Variants in MROH1 observed in about 807,000 individuals in gnomAD.
MROH1 encodes maestro heat like repeat family member 1, also known as maestro heat-like repeat-containing protein family member 1.
A neutral mutation model predicts 116.5 loss-of-function variants in MROH1; 117 were observed. The ratio of observed to expected loss-of-function variants is 1.00; its 90% CI spans 0.86 to 1.17. The LOEUF (loss-of-function observed/expected upper bound fraction) is 1.17, where lower values mean the gene tolerates loss of function less well. Ranked by LOEUF, MROH1 falls within the 50% of genes most tolerant of loss-of-function variation. The pLI, the probability that MROH1 is intolerant of heterozygous loss-of-function variation, is 0.00. For missense variants in MROH1, 1,873 were observed against 1,338.5 expected (o/e 1.40, Z -6.23); for synonymous variants, 921 against 583.9 (o/e 1.58, Z -8.32).
At chr8:144,169,436 AATTT>A (rs992682025) in intron 4 of MROH1, among the ~76,000 whole-genome samples, 3 of 142,344 alleles carry the variant, frequency 2.1e-5, no homozygotes, top group African/African-American at 5.1e-5. Flanking sequence ...ATTTTTAATA[AATTT>A]ATTTATTCAT....
At position 144,239,054 on chromosome 8, in the gene MROH1, T is replaced by C; in HGVS notation, c.1466T>C (p.Leu489Pro). The change falls in exon 16 of 44, where the codon CTC becomes CCC. Residue 489 changes from leucine (L) to proline (P), a missense_variant. Physicochemically the swap from Leu to Pro is moderately conservative, Grantham distance 98. Transcript: ENST00000326134. ...CCCTAGGTCCTCTGGCCATACCTGC[T>C]CCAGTTCCTCACCCCTGTGCGCTTC... ...RMSHVLWPYL[L>P]QFLTPVRFTG... is the part of the protein sequence containing the mutation. 1.3e-6 allele frequency: 1 copy of C among 778,328 alleles called. No individual in the cohort carries two copies. 48.2% of individuals were successfully genotyped at this position (778,328 alleles called of 1,614,324 possible).
chr8:144,201,590 C>T (rs868653867), intron 12 of MROH1, among the ~76,000 whole-genome samples: 5 of 152,210 alleles, frequency 3.3e-5, no homozygotes, highest in African/African-American at 1.2e-4. Flanking sequence ...AAAATATTTT[C>T]TGTCTGCCCT....
Position 144,245,275 on chromosome 8 carries a change from C to A in MROH1, c.2871+15C>A, listed in dbSNP as rs1405612680. The A allele has an allele frequency of 1.3e-6, 1 of 775,106 alleles. No homozygotes were observed. The highest frequency in any genetic ancestry group is 2.4e-5 in the East Asian group (1 of 41,248). 48.0% of individuals were successfully genotyped at this position (775,106 alleles called of 1,614,324 possible). On this transcript the variant is annotated intron_variant, in intron 29 of 43. Coordinates refer to ENST00000326134, the MANE Select transcript of MROH1 (RefSeq NM_032450.3). ...TGCGTGTCAGCGTGAGTACCTGGGT[C>A]CCTGGCCCGGGTGCTGCTGCCTGTG...
At chr8:144,229,123 C>A (rs992047616) in intron 14 of MROH1, among the ~76,000 whole-genome samples, 69 of 152,192 alleles carry the variant, frequency 4.5e-4, no homozygotes, top group African/African-American at 1.7e-3. Flanking sequence ...AATTCTAATT[C>A]TCTTACTGTT....
chr8:144,170,784 G>GT (rs1822238019), intron 4 of MROH1, among the ~76,000 whole-genome samples: 1 of 152,230 alleles, frequency 6.6e-6, no homozygotes, highest in Non-Finnish European at 1.5e-5. Flanking sequence ...CCACCAAGGG[G>GT]TGCTGGGCCT....
chr8:144,150,043 C>G (rs1263958272), intron 1 of MROH1, among the ~76,000 whole-genome samples: 1 of 152,166 alleles, frequency 6.6e-6, no homozygotes, highest in Non-Finnish European at 1.5e-5. Flanking sequence ...GCCCTGCAGG[C>G]TGGCTCACCA....
rs1833564002 is a variant in MROH1, at chr8:144,209,288, G to A, written c.1141+8747G>A. 2.6e-5 allele frequency among the ~76,000 whole-genome samples: 4 copies of A among 151,842 alleles called. No individual in the cohort carries two copies. In the South Asian group the frequency reaches 6.3e-4, roughly 24 times the overall value. On this transcript the variant is annotated intron_variant, in intron 12 of 43. Coordinates refer to ENST00000326134, the MANE Select transcript of MROH1 (RefSeq NM_032450.3). ...GATTGTTCATCCCCATTGAAAAATCGTTAGTATAGGCCGGGCACGGTGGCT... is the reference window on the plus strand; with the variant it reads ...GATTGTTCATCCCCATTGAAAAATCATTAGTATAGGCCGGGCACGGTGGCT...
chr8:144,251,556 C>T (rs1206385620), intron 33 of MROH1: 1 of 152,256 alleles, frequency 6.6e-6, no homozygotes, highest in African/African-American at 2.4e-5. Flanking sequence ...TCACTGAAGT[C>T]CAGCATGGGC....
intron 31 of MROH1, 99 bp downstream of exon 31, chr8:144,247,778 G>A: frequency 1.4e-6 from 1 of 699,428 alleles, no homozygotes; most frequent in Admixed American, 2.0e-5. Flanking sequence ...GCCTCTGGAA[G>A]TGCCACCCAT....
At position 144,260,713 on chromosome 8, in the gene MROH1, T is replaced by C; in HGVS notation, c.4417T>C (p.Phe1473Leu). 1.3e-6 allele frequency: 1 copy of C among 779,634 alleles called. No individual in the cohort carries two copies. Among genetic ancestry groups the C allele is most frequent in the Non-Finnish European group, 2.4e-6 (1 of 417,786 alleles). The allele number at this position is 779,634 out of a possible 1,614,324, so 48.3% of individuals were successfully genotyped here. A position where few individuals can be genotyped will look rare whatever the true frequency, so the allele number is the denominator to read the frequency against. The change falls in exon 40 of 44, where the codon TTT becomes CTT. Residue 1473 changes from phenylalanine (F) to leucine (L), a missense_variant. Coordinates refer to ENST00000326134, the MANE Select transcript of MROH1 (RefSeq NM_032450.3). ...GTTCCGGACGGCATCTATCCGCCTC[T>C]TTGGGCACCTTAACAAGGTCTGCCA... ...MEFRTASIRL[F>L]GHLNKVCHGD... is the part of the protein sequence containing the mutation.
At chr8:144,153,050 C>T (rs1817225748) in intron 1 of MROH1, among the ~76,000 whole-genome samples, 1 of 152,192 alleles carries the variant, frequency 6.6e-6, no homozygotes, top group Non-Finnish European at 1.5e-5. Context: ...CCGGTAACCA[C>T]CGTTCTACTC....
intron 1 of MROH1, chr8:144,148,545 G>T (rs921990313): frequency 2.6e-5 from 4 of 152,604 alleles, no homozygotes; most frequent in East Asian, 3.9e-4. Flanking sequence ...CCAAGCATAC[G>T]CCCGGAGCCT....
chr8:144,250,348 G>A lies in MROH1; in HGVS notation c.3410G>A (p.Ser1137Asn), dbSNP rs1223887244. ...CAAVVSSLLG[S>N]PLPLDSHTCM... ...GCCGTGGTGTCCAGCCTCCTGGGCA[G>A]CCCCTTGCCCTTGGACAGGTACCCA... The change falls in exon 33 of 44, where the codon AGC becomes AAC. Residue 1137 changes from serine (S) to asparagine (N), a missense_variant. Transcript: ENST00000326134. 13 of 765,740 alleles carry A rather than the reference G, an allele frequency of 1.7e-5. No individual in the cohort carries two copies. In the African/African-American group the frequency reaches 1.9e-4, roughly 11 times the overall value. 47.4% of individuals were successfully genotyped at this position (765,740 alleles called of 1,614,324 possible). A position where few individuals can be genotyped will look rare whatever the true frequency, so the allele number is the denominator to read the frequency against.
At position 144,192,288 on chromosome 8, in the gene MROH1, TC is replaced by T; in HGVS notation, c.856-20del. The stretch of plus-strand genomic sequence containing the variant: ...GCGGCTGGAGGTAGGACTGACGGCC[TC>T]TTCTCCCTACCCGGAGCAGAGCCTG... On this transcript the variant is annotated intron_variant, in intron 9 of 43. Coordinates refer to ENST00000326134, the MANE Select transcript of MROH1 (RefSeq NM_032450.3). 6.4e-7 allele frequency: 1 copy of T among 1,566,860 alleles called. No homozygotes were observed. The highest frequency in any genetic ancestry group is 1.2e-5 in the South Asian group (1 of 85,204).
intron 35 of MROH1, among the ~76,000 whole-genome samples, chr8:144,258,280 T>G (rs1844292018): frequency 1.3e-5 from 2 of 152,146 alleles, no homozygotes; most frequent in Non-Finnish European, 2.9e-5. Context: ...CCTCCAGCTC[T>G]CGGCACCATC....
Position 144,238,820 on chromosome 8 carries a change from G to A in MROH1, c.1403G>A (p.Arg468His), listed in dbSNP as rs1328220205. 1.8e-5 allele frequency: 14 copies of A among 775,000 alleles called. No homozygotes were observed. Among genetic ancestry groups the A allele is most frequent in the Middle Eastern group, 2.5e-4 (1 of 3,948 alleles). 48.0% of individuals were successfully genotyped at this position (775,000 alleles called of 1,614,324 possible). A position where few individuals can be genotyped will look rare whatever the true frequency, so the allele number is the denominator to read the frequency against. The stretch of plus-strand genomic sequence containing the variant: ...GACAGCGTGCGGGCCATCAGCGTGC[G>A]CACCCTCTACCTGGTCAGCACCACC... ...KADSVRAISVRTLYLVSTTVD... is the reference protein window; with the variant it reads ...KADSVRAISVHTLYLVSTTVD... The change falls in exon 15 of 44, where the codon CGC becomes CAC. Residue 468 changes from arginine (R) to histidine (H), a missense_variant. By Grantham distance (29) the Arg-to-His change is conservative. Coordinates refer to ENST00000326134, the MANE Select transcript of MROH1 (RefSeq NM_032450.3).
intron 35 of MROH1, among the ~76,000 whole-genome samples, chr8:144,257,198 G>T (rs1268541741): frequency 2.6e-5 from 4 of 152,358 alleles, no homozygotes; most frequent in African/African-American, 7.2e-5. Flanking sequence ...TGGGCTCAAA[G>T]ATCAGGCCCC....
chr8:144,235,800 T>C (rs1839941179), intron 14 of MROH1, among the ~76,000 whole-genome samples: 1 of 152,362 alleles, frequency 6.6e-6, no homozygotes, highest in South Asian at 2.1e-4. Context: ...CTTATGCCTT[T>C]GTATGATATT....
At chr8:144,194,963 G>T (rs1341241787) in intron 10 of MROH1, among the ~76,000 whole-genome samples, 1 of 151,470 alleles carries the variant, frequency 6.6e-6, no homozygotes, top group African/African-American at 2.4e-5. Context: ...ACCTACAAAA[G>T]CCAAGAACAT....
Sources: allele counts gnomAD v4.1 joint callset (sites outside exome capture counted in the v4.1 genomes callset), GRCh38; gene constraint gnomAD v4.1.1; transcripts MANE v1.5; gene names NCBI Gene and HGNC (gene_info 2026-07-23, HGNC 2026-07-21).